LRP1B: variants seen among roughly 807,000 people sequenced by gnomAD.
LRP1B encodes the protein low-density lipoprotein receptor-related protein 1B.
Under a neutral mutation model 556.6 loss-of-function variants are expected in LRP1B, and 217 were observed. That is an observed-to-expected ratio of 0.39 (90% CI 0.35 to 0.44). The LOEUF is 0.44. Ranked by LOEUF, LRP1B falls within the 20% of genes least tolerant of loss-of-function variation. The pLI, the probability that LRP1B is intolerant of heterozygous loss-of-function variation, is 1.00. For missense variants in LRP1B, 5,053 were observed against 5,620.8 expected, an observed-to-expected ratio of 0.90 and a Z score of 3.23; for synonymous variants, 2,047 against 1,865.8, an observed-to-expected ratio of 1.10 and a Z score of -2.50.
intron 3 of LRP1B, among the ~76,000 whole-genome samples, chr2:141,259,932 T>C (rs1684623668): frequency 6.6e-6 from 1 of 152,190 alleles, no homozygotes; most frequent in Non-Finnish European, 1.5e-5. Flanking sequence ...AGCTGAATCA[T>C]CCATTTAGTA....
intron 41 of LRP1B, among the ~76,000 whole-genome samples, chr2:140,604,605 A>G (rs1480660569): frequency 6.6e-6 from 1 of 152,152 alleles, no homozygotes; most frequent in African/African-American, 2.4e-5. Context: ...CAAATGGGAA[A>G]GGCAGTGAAG....
At chr2:141,794,606 A>T (rs1695738773) in intron 2 of LRP1B, among the ~76,000 whole-genome samples, 1 of 152,038 alleles carries the variant, frequency 6.6e-6, no homozygotes, top group Admixed American at 6.6e-5. Context: ...ATATATAAGA[A>T]CATGTATATT....
intron 5 of LRP1B, among the ~76,000 whole-genome samples, chr2:141,244,969 G>A (rs1290167470): frequency 2.0e-5 from 3 of 152,094 alleles, no homozygotes; most frequent in African/African-American, 7.2e-5. Flanking sequence ...CCTTGATGTA[G>A]TAGGACATTA....
chr2:141,087,632 A>T (rs896429148), intron 7 of LRP1B, among the ~76,000 whole-genome samples: 1 of 152,186 alleles, frequency 6.6e-6, no homozygotes, highest in Non-Finnish European at 1.5e-5. Flanking sequence ...ATTCAAACAA[A>T]CAATTAGTAC....
At position 140,731,764 on chromosome 2, in the gene LRP1B, CAAA is replaced by C. The variant is rs36060787; in HGVS notation, c.5759-14951_5759-14949del. On this transcript the variant is annotated intron_variant, in intron 35 of 90. Coordinates refer to ENST00000389484, the MANE Select transcript of LRP1B (RefSeq NM_018557.3). ...GCCTGGCAACAGAGTGAGACTCCGT[CAAA>C]AAAAAAAAAAAAAAAAAAAAAAAGA... Among the ~76,000 whole-genome samples, 8 of 59,388 alleles carry C rather than the reference CAAA, an allele frequency of 1.3e-4. 1 individual carries two copies. The highest frequency in any genetic ancestry group is 3.5e-4 in the African/African-American group (6 of 17,008). 39.0% of individuals were successfully genotyped at this position (59,388 alleles called of 152,430 possible). A position where few individuals can be genotyped will look rare whatever the true frequency, so the allele number is the denominator to read the frequency against.
chr2:141,031,298 TAAAG>T (rs1364448016), intron 11 of LRP1B, among the ~76,000 whole-genome samples: 1 of 147,068 alleles, frequency 6.8e-6, no homozygotes, highest in Non-Finnish European at 1.5e-5. Context: ...CATATATATA[TAAAG>T]AGAGAGAGAG....
In LRP1B at chr2:141,055,141, C is replaced by T. The variant is rs757522416; in HGVS notation, c.1527G>A (p.Leu509=). 12 of 1,612,000 alleles carry T rather than the reference C, an allele frequency of 7.4e-6. No individual in the cohort carries two copies. Among genetic ancestry groups the T allele is most frequent in the Non-Finnish European group, 1.0e-5 (12 of 1,178,862 alleles). The change falls in exon 10 of 91, where the codon TTG becomes TTA. Residue 509 remains leucine (L), a synonymous_variant. Coordinates refer to ENST00000389484, the MANE Select transcript of LRP1B (RefSeq NM_018557.3). The part of the protein sequence containing the change: ...RTCRCRTGFN[L]GSDGRSCKRP... ...TTTTGCATGACCTGCCATCACTTCC[C>T]AAGTTGAAGCCAGTCCTGCAGCGAC... is the stretch of plus-strand genomic sequence containing the variant.
chr2:141,481,673 T>G (rs1034318481), intron 2 of LRP1B, among the ~76,000 whole-genome samples: 1 of 152,192 alleles, frequency 6.6e-6, no homozygotes, highest in Admixed American at 6.6e-5. Flanking sequence ...GAATTCAACA[T>G]GCATTAGTTA....
intron 55 of LRP1B, among the ~76,000 whole-genome samples, chr2:140,501,122 G>A (rs1022501150): frequency 6.6e-6 from 1 of 151,878 alleles, no homozygotes; most frequent in Non-Finnish European, 1.5e-5. Context: ...TTCTGTCAGC[G>A]AATCACCCTC....
chr2:141,505,747 A>G (rs1311629344), intron 2 of LRP1B, among the ~76,000 whole-genome samples: 1 of 152,038 alleles, frequency 6.6e-6, no homozygotes, highest in Non-Finnish European at 1.5e-5. Context: ...TTAGTAACAC[A>G]TTCTGCTTGG....
At chr2:140,922,691 A>T (rs12988835) in intron 21 of LRP1B, among the ~76,000 whole-genome samples, 19,318 of 151,906 alleles carry the variant, frequency 0.13, 1,424 homozygotes, top group Admixed American at 0.16. Context: ...TTAATTAATT[A>T]AATTAAATCC....
chr2:141,599,819 C>T (rs182587909), intron 2 of LRP1B, among the ~76,000 whole-genome samples: 2 of 152,146 alleles, frequency 1.3e-5, no homozygotes, highest in East Asian at 3.9e-4. Context: ...CCTCTTGAAA[C>T]CTGACTTTCT....
intron 7 of LRP1B, among the ~76,000 whole-genome samples, chr2:141,179,327 A>C (rs1019013363): frequency 2.0e-5 from 3 of 151,988 alleles, no homozygotes; most frequent in African/African-American, 4.8e-5. Flanking sequence ...AACTTTCAGA[A>C]GGCAGGAATA....
At chr2:142,053,409 T>C (rs1467567870) in intron 1 of LRP1B, among the ~76,000 whole-genome samples, 1 of 152,094 alleles carries the variant, frequency 6.6e-6, no homozygotes, top group African/African-American at 2.4e-5. Flanking sequence ...AAAATACAAC[T>C]CTTAGACTCC....
intron 3 of LRP1B, among the ~76,000 whole-genome samples, chr2:141,451,767 A>G (rs1300639971): frequency 6.6e-6 from 1 of 152,180 alleles, no homozygotes; most frequent in Non-Finnish European, 1.5e-5. Context: ...TCCATCTTGG[A>G]CCTTTTGTCA....
intron 66 of LRP1B, among the ~76,000 whole-genome samples, chr2:140,411,358 A>T (rs1365446739): frequency 6.6e-6 from 1 of 152,158 alleles, no homozygotes; most frequent in Non-Finnish European, 1.5e-5. Flanking sequence ...TATTGAAACT[A>T]TCTTGAGTGC....
At chr2:141,027,064 G>A (rs1035950729) in intron 11 of LRP1B, among the ~76,000 whole-genome samples, 2 of 152,076 alleles carry the variant, frequency 1.3e-5, no homozygotes, top group African/African-American at 4.8e-5. Flanking sequence ...AGAGGAAGGA[G>A]TTGAAGAAAG....
chr2:140,670,504 G>A (rs1044101397), intron 41 of LRP1B, among the ~76,000 whole-genome samples: 2 of 152,090 alleles, frequency 1.3e-5, no homozygotes, highest in Non-Finnish European at 1.5e-5. Flanking sequence ...AAGGACTGGT[G>A]GAAGATCTAT....
chr2:140,503,215 G>A, intron 53 of LRP1B, 112 bp from the exon 54 acceptor site: 1 of 894,250 alleles, frequency 1.1e-6, no homozygotes, highest in Non-Finnish European at 1.7e-6. Flanking sequence ...TGTCTCCCAT[G>A]AGAAATATTT....
Sources: allele counts gnomAD v4.1 joint callset (sites outside exome capture counted in the v4.1 genomes callset), GRCh38; gene constraint gnomAD v4.1.1; transcripts MANE v1.5; gene names NCBI Gene and HGNC (gene_info 2026-07-23, HGNC 2026-07-21).